The following CSMD1 variants were observed in gnomAD, a reference collection of about 807,000 sequenced individuals.
CSMD1 encodes the protein CUB and sushi domain-containing protein 1.
A neutral mutation model predicts 417.5 loss-of-function variants in CSMD1; 213 were observed. The ratio of observed to expected loss-of-function variants is 0.51; its 90% CI spans 0.46 to 0.57. CSMD1 has a LOEUF of 0.57. Ranked by LOEUF, CSMD1 falls within the 20% of genes least tolerant of loss-of-function variation. CSMD1 has a pLI of 0.00. For missense variants in CSMD1, 6,923 were observed against 4,529.7 expected (o/e 1.53, Z -15.17); for synonymous variants, 2,862 against 1,736.8 (o/e 1.65, Z -16.11).
In CSMD1 at chr8:3,594,761, AG is replaced by A. The variant is rs570617188; in HGVS notation, c.1098-8502del. Among the ~76,000 whole-genome samples the A allele has an allele frequency of 3.9e-3, 600 of 152,278 alleles. 8 individuals are homozygous for A. The highest frequency in any genetic ancestry group is 2.5e-3 in the Non-Finnish European group (170 of 68,024). ...AAGCACAGAAGTATGGAAGAGTGGGAGGCTTGGGAGAAGAGGCCGGTTGGGA... is the reference window on the plus strand; with the variant it reads ...AAGCACAGAAGTATGGAAGAGTGGGAGCTTGGGAGAAGAGGCCGGTTGGGA... On this transcript the variant is annotated intron_variant, in intron 8 of 69. Coordinates refer to ENST00000635120, the MANE Select transcript of CSMD1 (RefSeq NM_033225.6).
At chr8:4,214,647 C>A (rs117382058) in intron 3 of CSMD1, among the ~76,000 whole-genome samples, 4 of 151,970 alleles carry the variant, frequency 2.6e-5, no homozygotes, top group African/African-American at 7.2e-5. Context: ...TTTGCATGCA[C>A]GTGTATGTGT....
At chr8:4,881,551 T>A (rs538296975) in intron 1 of CSMD1, among the ~76,000 whole-genome samples, 83 of 120,526 alleles carry the variant, frequency 6.9e-4, no homozygotes, top group South Asian at 1.6e-3. Flanking sequence ...TTTTTTTTTT[T>A]ATCTCATTTA....
intron 11 of CSMD1, among the ~76,000 whole-genome samples, chr8:3,475,828 G>A (rs182449867): frequency 6.6e-6 from 1 of 152,332 alleles, no homozygotes; most frequent in East Asian, 1.9e-4. Context: ...AGGGCACTTT[G>A]TGAGTACCTT....
chr8:4,329,379 C>A (rs1356513460), intron 3 of CSMD1, among the ~76,000 whole-genome samples: 1 of 152,126 alleles, frequency 6.6e-6, no homozygotes, highest in Non-Finnish European at 1.5e-5. Flanking sequence ...ACCTCTGTCT[C>A]CCAGGTACAA....
At chr8:4,867,565 C>A (rs1284215991) in intron 1 of CSMD1, among the ~76,000 whole-genome samples, 1 of 152,042 alleles carries the variant, frequency 6.6e-6, no homozygotes, top group Non-Finnish European at 1.5e-5. Flanking sequence ...AGTCCCAGAG[C>A]AGCCATAATT....
intron 1 of CSMD1, among the ~76,000 whole-genome samples, chr8:4,746,505 G>A (rs1810964194): frequency 6.6e-6 from 1 of 152,196 alleles, no homozygotes; most frequent in South Asian, 2.1e-4. Flanking sequence ...CATCGGTGAT[G>A]AGAGCAATTA....
At chr8:3,964,904 T>C (rs1812567879) in intron 5 of CSMD1, among the ~76,000 whole-genome samples, 1 of 152,228 alleles carries the variant, frequency 6.6e-6, no homozygotes, top group Non-Finnish European at 1.5e-5. Flanking sequence ...AAAAGTTCAA[T>C]ACAATTAAGT....
At chr8:3,081,246 C>A (rs1235199376) in intron 49 of CSMD1, among the ~76,000 whole-genome samples, 1 of 152,032 alleles carries the variant, frequency 6.6e-6, no homozygotes, top group Non-Finnish European at 1.5e-5. Flanking sequence ...ATATATTCTT[C>A]TAGATATTTT....
chr8:3,318,823 T>G (rs1280683961), intron 23 of CSMD1, among the ~76,000 whole-genome samples: 1 of 152,086 alleles, frequency 6.6e-6, no homozygotes, highest in Non-Finnish European at 1.5e-5. Context: ...CACCAAGAAA[T>G]AAATGCAGCT....
intron 7 of CSMD1, among the ~76,000 whole-genome samples, chr8:3,647,782 G>C (rs1173169555): frequency 1.3e-5 from 2 of 152,178 alleles, no homozygotes; most frequent in Non-Finnish European, 2.9e-5. Flanking sequence ...GTGAGAGAAA[G>C]AGAGAGAGAT....
intron 3 of CSMD1, among the ~76,000 whole-genome samples, chr8:4,141,269 C>A (rs549257356): frequency 2.0e-5 from 3 of 150,998 alleles, no homozygotes; most frequent in Non-Finnish European, 4.4e-5. Flanking sequence ...GAAATTCCAG[C>A]GACCTTCAGG....
chr8:4,630,475 G>A lies in CSMD1; in HGVS notation c.302+6867C>T, dbSNP rs1056244341. Among the ~76,000 whole-genome samples the A allele has an allele frequency of 5.9e-5, 9 of 151,826 alleles. No individual in the cohort carries two copies. The South Asian group carries it at 1.0e-3, about 18-fold the overall frequency. ...CTCAAAAACAAAACAAAACAAAAAC[G>A]AAAAACAAACAAAAAACAAAAACAA... On this transcript the variant is annotated intron_variant, in intron 2 of 69. Coordinates refer to ENST00000635120, the MANE Select transcript of CSMD1 (RefSeq NM_033225.6).
intron 3 of CSMD1, among the ~76,000 whole-genome samples, chr8:4,304,594 C>G (rs752649531): frequency 1.1e-4 from 17 of 152,064 alleles, no homozygotes; most frequent in Non-Finnish European, 2.2e-4. Flanking sequence ...ATGTCAAATC[C>G]TCTTTAATAT....
intron 2 of CSMD1, among the ~76,000 whole-genome samples, chr8:4,569,725 T>G (rs1039101459): frequency 6.6e-6 from 1 of 152,216 alleles, no homozygotes; most frequent in Non-Finnish European, 1.5e-5. Context: ...ATATATTACT[T>G]TGGGCAGTAT....
intron 7 of CSMD1, among the ~76,000 whole-genome samples, chr8:3,651,049 C>A (rs1378071084): frequency 2.0e-5 from 3 of 152,184 alleles, no homozygotes; most frequent in Non-Finnish European, 4.4e-5. Context: ...GCTTACCCAC[C>A]AGAATATCCC....
chr8:3,671,183 G>GGT (rs2117530324), intron 7 of CSMD1, among the ~76,000 whole-genome samples: 1 of 146,944 alleles, frequency 6.8e-6, no homozygotes, highest in East Asian at 2.0e-4. Flanking sequence ...ATATGTATAT[G>GGT]GTATATATAG....
chr8:4,427,549 A>G (rs1476259523), intron 2 of CSMD1, among the ~76,000 whole-genome samples: 2 of 152,132 alleles, frequency 1.3e-5, no homozygotes, highest in South Asian at 2.1e-4. Context: ...TCATGTGAGT[A>G]TATATACATC....
At chr8:4,722,686 A>C (rs1352598351) in intron 1 of CSMD1, among the ~76,000 whole-genome samples, 1 of 152,096 alleles carries the variant, frequency 6.6e-6, no homozygotes, top group African/African-American at 2.4e-5. Context: ...AAAGTTTCTA[A>C]TTTTTCTAAT....
chr8:3,824,553 A>C (rs992847509), intron 5 of CSMD1, among the ~76,000 whole-genome samples: 4 of 152,236 alleles, frequency 2.6e-5, no homozygotes, highest in African/African-American at 9.6e-5. Flanking sequence ...CATGCACTGC[A>C]AGGGCAAAAT....
Sources: allele counts gnomAD v4.1 joint callset (sites outside exome capture counted in the v4.1 genomes callset), GRCh38; gene constraint gnomAD v4.1.1; transcripts MANE v1.5; gene names NCBI Gene and HGNC (gene_info 2026-07-23, HGNC 2026-07-21).